The following THRB variants were observed in gnomAD, a reference collection of about 807,000 sequenced individuals.
THRB encodes nuclear receptor subfamily 1 group A member 2.
In THRB, 12 loss-of-function variants were observed where a neutral mutation model predicts 47.8. The observed-to-expected ratio is 0.25, with a 90% CI of 0.16 to 0.41. The LOEUF (loss-of-function observed/expected upper bound fraction) is 0.41. Among genes scored for constraint, THRB ranks in the 10% least tolerant of loss-of-function variants. The pLI is 1.00. For synonymous variants in THRB, 218 were observed against 212.2 expected, an observed-to-expected ratio of 1.03 and a Z score of -0.24; for missense variants, 348 against 589.2, an observed-to-expected ratio of 0.59 and a Z score of 4.24.
chr3:24,471,388 G>A (rs2074558002), intron 1 of THRB, among the ~76,000 whole-genome samples: 1 of 152,098 alleles, frequency 6.6e-6, no homozygotes, highest in African/African-American at 2.4e-5. Flanking sequence ...CTGCAATAGG[G>A]GTTAAGGCAT....
At chr3:24,328,997 A>G (rs1292513111) in intron 2 of THRB, among the ~76,000 whole-genome samples, 2 of 151,632 alleles carry the variant, frequency 1.3e-5, no homozygotes, top group Admixed American at 6.6e-5. Flanking sequence ...CCCAGGCTGG[A>G]GTGCAGTGCC....
chr3:24,433,682 T>C (rs568449389), intron 1 of THRB, among the ~76,000 whole-genome samples: 1 of 152,298 alleles, frequency 6.6e-6, no homozygotes, highest in South Asian at 2.1e-4. Flanking sequence ...AGGGGTTTTG[T>C]GGGGATCAAA....
At chr3:24,204,505 G>A (rs982217291) in intron 4 of THRB, among the ~76,000 whole-genome samples, 40 of 152,176 alleles carry the variant, frequency 2.6e-4, no homozygotes, top group African/African-American at 9.2e-4. Context: ...CCATCTGTAC[G>A]TCACCATCAT....
chr3:24,473,690 A>C (rs1238279629), intron 1 of THRB, among the ~76,000 whole-genome samples: 2 of 152,250 alleles, frequency 1.3e-5, no homozygotes, highest in East Asian at 1.9e-4. Context: ...GAACCAACCC[A>C]AATGCCCATT....
chr3:24,465,452 G>A (rs2074057810), intron 1 of THRB, among the ~76,000 whole-genome samples: 1 of 152,158 alleles, frequency 6.6e-6, no homozygotes, highest in South Asian at 2.1e-4. Flanking sequence ...GCCTAGATTA[G>A]AGTGCAGTGG....
chr3:24,368,225 C>T (rs764568670), intron 1 of THRB, among the ~76,000 whole-genome samples: 5 of 152,086 alleles, frequency 3.3e-5, no homozygotes, highest in Non-Finnish European at 7.4e-5. Context: ...AAAAAATACA[C>T]GGATGACTTT....
intron 1 of THRB, among the ~76,000 whole-genome samples, chr3:24,362,899 C>A (rs529140640): frequency 1.3e-5 from 2 of 152,026 alleles, no homozygotes; most frequent in Non-Finnish European, 2.9e-5. Flanking sequence ...TTTAACACTT[C>A]GGGCCTTACT....
chr3:24,383,616 T>C (rs1178104049), intron 1 of THRB, among the ~76,000 whole-genome samples: 4 of 152,188 alleles, frequency 2.6e-5, no homozygotes, highest in African/African-American at 7.2e-5. Context: ...ACTAGGACTA[T>C]AATCATGTCT....
At chr3:24,159,415 G>A (rs1434571203) in intron 5 of THRB, among the ~76,000 whole-genome samples, 1 of 152,032 alleles carries the variant, frequency 6.6e-6, no homozygotes, top group East Asian at 1.9e-4. Flanking sequence ...ATGATGAGGG[G>A]AACCCAAATC....
chr3:24,477,007 ATT>A (rs558247174), intron 1 of THRB, among the ~76,000 whole-genome samples: 60 of 126,336 alleles, frequency 4.7e-4, no homozygotes, highest in Admixed American at 6.4e-4. Flanking sequence ...GGTTTTCAAG[ATT>A]TTTTTTTTTT....
intron 5 of THRB, among the ~76,000 whole-genome samples, chr3:24,187,183 T>C (rs1333010110): frequency 1.3e-5 from 2 of 152,174 alleles, no homozygotes; most frequent in Non-Finnish European, 2.9e-5. Flanking sequence ...CAACTAACTG[T>C]CTATATCCTG....
chr3:24,475,954 A>C (rs1367537782), intron 1 of THRB, among the ~76,000 whole-genome samples: 1 of 152,208 alleles, frequency 6.6e-6, no homozygotes, highest in East Asian at 1.9e-4. Context: ...GTAAACAATC[A>C]TTTCAGGAAA....
intron 6 of THRB, among the ~76,000 whole-genome samples, chr3:24,149,377 C>G (rs2036574821): frequency 6.6e-6 from 1 of 152,164 alleles, no homozygotes; most frequent in Admixed American, 6.5e-5. Context: ...CTCCCTCATA[C>G]TCTGATGCTG....
At chr3:24,302,706 T>A (rs2057035822) in intron 2 of THRB, among the ~76,000 whole-genome samples, 1 of 152,234 alleles carries the variant, frequency 6.6e-6, no homozygotes, top group South Asian at 2.1e-4. Context: ...TTTACTATAC[T>A]TCTTCTCTGG....
intron 3 of THRB, among the ~76,000 whole-genome samples, chr3:24,246,102 G>A (rs149621634): frequency 3.3e-5 from 5 of 152,012 alleles, no homozygotes; most frequent in East Asian, 3.9e-4. Context: ...TGTCCCTTAC[G>A]GAGATGTTGT....
chr3:24,222,619 G>A (rs962264456), intron 4 of THRB, among the ~76,000 whole-genome samples: 2 of 152,198 alleles, frequency 1.3e-5, no homozygotes, highest in African/African-American at 4.8e-5. Flanking sequence ...TGTGTGATGT[G>A]TGTAATAGCC....
At chr3:24,209,489 T>C (rs927432881) in intron 4 of THRB, among the ~76,000 whole-genome samples, 7 of 152,170 alleles carry the variant, frequency 4.6e-5, no homozygotes, top group Non-Finnish European at 1.0e-4. Context: ...TGGTACACTA[T>C]GCAGCCATAA....
intron 2 of THRB, among the ~76,000 whole-genome samples, chr3:24,319,867 T>C (rs1320599131): frequency 1.3e-5 from 2 of 152,236 alleles, no homozygotes; most frequent in African/African-American, 2.4e-5. Flanking sequence ...AGCTGACACA[T>C]GTTCCAGTGG....
intron 1 of THRB, among the ~76,000 whole-genome samples, chr3:24,382,475 G>A (rs2065786234): frequency 6.6e-6 from 1 of 152,002 alleles, no homozygotes; most frequent in Non-Finnish European, 1.5e-5. Context: ...TAAAGTTATC[G>A]ATGGAATAGG....
Sources: gnomAD v4.1 joint callset for allele counts (sites outside exome capture counted in the v4.1 genomes callset) on GRCh38, gnomAD v4.1.1 for gene constraint, MANE v1.5 for transcripts, NCBI Gene and HGNC (gene_info 2026-07-23, HGNC 2026-07-21) for gene names.